The following FHIT variants were observed in gnomAD, a reference collection of about 807,000 sequenced individuals.
FHIT encodes fragile histidine triad diadenosine triphosphatase, also known as bis(5'-adenosyl)-triphosphatase.
A neutral mutation model predicts 17.9 loss-of-function variants in FHIT; 19 were observed. That is an observed-to-expected ratio of 1.06 (90% confidence interval 0.74 to 1.56). The LOEUF (loss-of-function observed/expected upper bound fraction) is 1.56. Ranked by LOEUF, FHIT falls within the 40% of genes most tolerant of loss-of-function variation. The pLI is 0.00. For synonymous variants in FHIT, 81 were observed against 69.7 expected (o/e 1.16, Z -0.81); for missense variants, 248 against 189.2 (o/e 1.31, Z -1.82).
At chr3:60,112,995 C>A (rs116834488) in intron 5 of FHIT, among the ~76,000 whole-genome samples, 109 of 152,292 alleles carry the variant, frequency 7.2e-4, no homozygotes, top group Non-Finnish European at 1.3e-3. Context: ...TGAGTGTCAA[C>A]CACAGTGTAG....
At chr3:59,769,545 A>AT (rs2106824273) in intron 8 of FHIT, among the ~76,000 whole-genome samples, 1 of 152,260 alleles carries the variant, frequency 6.6e-6, no homozygotes, top group African/African-American at 2.4e-5. Context: ...CACGTATTAC[A>AT]TTTTTAATCA....
chr3:60,210,562 C>A (rs1050419975), intron 5 of FHIT, among the ~76,000 whole-genome samples: 12 of 151,950 alleles, frequency 7.9e-5, no homozygotes, highest in Non-Finnish European at 1.6e-4. Flanking sequence ...AAAAAAACAG[C>A]CCAAAATCAC....
chr3:60,702,153 T>C (rs2041263607), intron 4 of FHIT, among the ~76,000 whole-genome samples: 1 of 152,200 alleles, frequency 6.6e-6, no homozygotes, highest in African/African-American at 2.4e-5. Context: ...CGTGAGCCAC[T>C]GCATCCAGCT....
intron 4 of FHIT, among the ~76,000 whole-genome samples, chr3:60,635,369 T>C (rs1172093622): frequency 6.6e-6 from 1 of 152,244 alleles, no homozygotes; most frequent in Non-Finnish European, 1.5e-5. Context: ...CCAAAGCCCG[T>C]GGCCAATTTC....
chr3:60,016,456 G>C lies in FHIT; in HGVS notation c.104-2304C>G, dbSNP rs137923452. On this transcript the variant is annotated intron_variant, in intron 5 of 9. Transcript: ENST00000492590. ...TGGGGAGTGATTTAACCAGTGGATTGGGCTGGCAACCTACTCACTCATCCA... is the reference window on the plus strand; with the variant it reads ...TGGGGAGTGATTTAACCAGTGGATTCGGCTGGCAACCTACTCACTCATCCA... Among the ~76,000 whole-genome samples the C allele has an allele frequency of 1.4e-3, 209 of 152,254 alleles. 1 individual carries two copies. Among genetic ancestry groups the C allele is most frequent in the African/African-American group, 4.6e-3 (191 of 41,542 alleles).
At chr3:60,532,796 T>C (rs2035834849) in intron 5 of FHIT, among the ~76,000 whole-genome samples, 1 of 152,190 alleles carries the variant, frequency 6.6e-6, no homozygotes, top group African/African-American at 2.4e-5. Context: ...GATTTGACAG[T>C]TCTTTTTCTT....
intron 4 of FHIT, among the ~76,000 whole-genome samples, chr3:60,793,992 A>G (rs1700883415): frequency 6.6e-6 from 1 of 152,198 alleles, no homozygotes; most frequent in African/African-American, 2.4e-5. Context: ...ACAGCAAAGA[A>G]GCAAATGGTC....
At chr3:61,218,816 A>T (rs1256123182) in intron 1 of FHIT, among the ~76,000 whole-genome samples, 2 of 152,200 alleles carry the variant, frequency 1.3e-5, no homozygotes, top group Admixed American at 6.6e-5. Context: ...TCTAAGCTCT[A>T]TAAAATGTAT....
At chr3:60,120,243 G>A (rs1705187426) in intron 5 of FHIT, among the ~76,000 whole-genome samples, 1 of 152,206 alleles carries the variant, frequency 6.6e-6, no homozygotes, top group African/African-American at 2.4e-5. Flanking sequence ...TCTGGCAGCA[G>A]AAACTGGGCC....
chr3:60,595,925 C>G (rs1326839217), intron 4 of FHIT, among the ~76,000 whole-genome samples: 4 of 151,882 alleles, frequency 2.6e-5, no homozygotes, highest in Non-Finnish European at 5.9e-5. Context: ...ATGCCTGGTC[C>G]CATAATATAT....
intron 2 of FHIT, among the ~76,000 whole-genome samples, chr3:61,199,577 G>A (rs960170796): frequency 6.6e-6 from 1 of 151,874 alleles, no homozygotes; most frequent in African/African-American, 2.4e-5. Context: ...ATCTAAAAGG[G>A]GTTTTCTCCA....
At chr3:60,027,711 A>G (rs1468460002) in intron 5 of FHIT, among the ~76,000 whole-genome samples, 2 of 129,790 alleles carry the variant, frequency 1.5e-5, no homozygotes, top group Non-Finnish European at 3.2e-5. Context: ...TTCTGGTTCC[A>G]TTTAGTTTAT....
At chr3:60,078,913 T>TG (rs11411394) in intron 5 of FHIT, among the ~76,000 whole-genome samples, 1 of 151,856 alleles carries the variant, frequency 6.6e-6, no homozygotes, top group African/African-American at 2.4e-5. Context: ...TTTTTTTTTT[T>TG]GCAACTCTAA....
At chr3:60,713,091 T>A (rs1350575910) in intron 4 of FHIT, among the ~76,000 whole-genome samples, 1 of 152,098 alleles carries the variant, frequency 6.6e-6, no homozygotes, top group Non-Finnish European at 1.5e-5. Context: ...CAGACCACAG[T>A]GCAATCAAAG....
intron 5 of FHIT, among the ~76,000 whole-genome samples, chr3:60,096,125 C>T (rs1044146513): frequency 6.6e-5 from 10 of 152,180 alleles, no homozygotes; most frequent in African/African-American, 1.7e-4. Flanking sequence ...GGAGATGGCC[C>T]GCCCACTTAG....
chr3:61,084,933 C>T (rs1200132555), intron 2 of FHIT, among the ~76,000 whole-genome samples: 1 of 152,152 alleles, frequency 6.6e-6, no homozygotes, highest in Non-Finnish European at 1.5e-5. Flanking sequence ...GATTCTTTCA[C>T]TTCACATAAT....
chr3:60,740,125 A>G (rs1311837244), intron 4 of FHIT, among the ~76,000 whole-genome samples: 4 of 152,232 alleles, frequency 2.6e-5, no homozygotes, highest in African/African-American at 7.2e-5. Flanking sequence ...GACATTTGAT[A>G]AGGTGAATTT....
intron 5 of FHIT, among the ~76,000 whole-genome samples, chr3:60,065,324 C>G (rs534016757): frequency 1.3e-5 from 2 of 152,296 alleles, no homozygotes; most frequent in East Asian, 3.9e-4. Context: ...CATGATCTAA[C>G]TGTCACCTTA....
intron 7 of FHIT, among the ~76,000 whole-genome samples, chr3:59,941,040 T>C (rs1048393992): frequency 6.6e-6 from 1 of 152,166 alleles, no homozygotes; most frequent in Admixed American, 6.5e-5. Context: ...TAGCACTTAG[T>C]AGGCACCCAA....
Sources: gnomAD v4.1 joint callset for allele counts (sites outside exome capture counted in the v4.1 genomes callset) on GRCh38, gnomAD v4.1.1 for gene constraint, MANE v1.5 for transcripts, NCBI Gene and HGNC (gene_info 2026-07-23, HGNC 2026-07-21) for gene names.